Variants in ATN1 observed in about 807,000 individuals in gnomAD.
ATN1 encodes atrophin 1.
Under a neutral mutation model 85.8 loss-of-function variants are expected in ATN1, and 19 were observed. That is an observed-to-expected ratio of 0.22 (90% CI 0.15 to 0.32). The LOEUF (loss-of-function observed/expected upper bound fraction) is 0.32, where lower values mean the gene tolerates loss of function less well. Ranked by LOEUF, ATN1 falls within the 10% of genes least tolerant of loss-of-function variation. The pLI is 1.00. For synonymous variants in ATN1, 674 were observed against 657.0 expected, an observed-to-expected ratio of 1.03 and a Z score of -0.39; for missense variants, 1,453 against 1,564.5, an observed-to-expected ratio of 0.93 and a Z score of 1.20.
Position 6,937,270 on chromosome 12 carries a change from G to T in ATN1, c.2003G>T (p.Gly668Val). The change falls in exon 5 of 10, where the codon GGG (glycine) becomes GTG (valine). Residue 668 changes from glycine (G) to valine (V), a missense_variant. Around this residue, in one of 6 missense-constraint regions of ATN1, gnomAD observed 990 missense variants for 914.8 expected, o/e 1.08. Coordinates refer to ENST00000396684, the MANE Select transcript of ATN1 (RefSeq NM_001940.4). This position sits in a 1 kb window ranked among gnomAD's most constrained non-coding sequence, Gnocchi z 6.0. The part of the protein sequence containing the change: ...KPGSPPSFRT[G>V]TPPGYRGTSP... ...GGGTCGCCTCCCTCCTTCCGAACGG[G>T]GACCCCACCGGGCTATCGAGGAACC... The T allele has an allele frequency of 3.1e-6, 5 of 1,608,614 alleles. No individual in the cohort carries two copies. The highest frequency in any genetic ancestry group is 4.2e-6 in the Non-Finnish European group (5 of 1,178,378).
chr12:6,930,823 TAAA>T (rs1945452832), intron 1 of ATN1, among the ~76,000 whole-genome samples: 1 of 148,366 alleles, frequency 6.7e-6, no homozygotes, highest in African/African-American at 2.5e-5. Context: ...AATAAATAAA[TAAA>T]TAAAATAAAG....
In ATN1 at chr12:6,935,878, G is replaced by C. The variant is rs782443835; in HGVS notation, c.611G>C (p.Arg204Pro). Residue 204 changes from arginine (R) to proline (P), a missense_variant, in exon 5 of 10, where the codon CGA becomes CCA. By Grantham distance (103) the Arg-to-Pro change is moderately radical (BLOSUM62 -2). Transcript: ENST00000396684. This position sits in a 1 kb window ranked among gnomAD's most constrained non-coding sequence, Gnocchi z 5.3. ...YHAPMEPPTS[R>P]MFQAPPGAPP... ...GCTCCCATGGAGCCCCCCACATCTC[G>C]AATGTTCCAGGCTCCTCCTGGGGCC... The C allele has an allele frequency of 8.1e-6, 13 of 1,613,584 alleles. No individual in the cohort carries two copies.
In ATN1 at chr12:6,938,697, G is replaced by A. The variant is rs782715807; in HGVS notation, c.2734G>A (p.Asp912Asn). Residue 912 changes from aspartate to asparagine, a missense_variant, in exon 7 of 10, where the codon GAC becomes AAC. By Grantham distance (23) the Asp-to-Asn change is conservative. This residue lies in a region of ATN1 where 208 missense variants were observed against 263.4 expected (regional missense o/e 0.79). Transcript: ENST00000396684. ...ATTCTACGTGCCCCTGGGGGCAGTG[G>A]ACCCGGGGCTCCTGGGTTACAATGT... ...HPFYVPLGAV[D>N]PGLLGYNVPA... 5.6e-6 allele frequency: 9 copies of A among 1,613,980 alleles called. No individual in the cohort carries two copies. The highest frequency in any genetic ancestry group is 7.6e-6 in the Non-Finnish European group (9 of 1,180,040).
chr12:6,942,160 T>C lies in ATN1; in HGVS notation c.*380T>C. ...TTTGCGTAGCATCGTGTGCCACCCC[T>C]GCCCCTCCCCGATCCCTGTGTGCGC... On this transcript the variant is annotated 3_prime_UTR_variant, in exon 10 of 10. Coordinates refer to ENST00000396684, the MANE Select transcript of ATN1 (RefSeq NM_001940.4). 1 of 275,402 alleles carries C rather than the reference T, an allele frequency of 3.6e-6. No homozygotes were observed. The highest frequency in any genetic ancestry group is 6.9e-6 in the Non-Finnish European group (1 of 144,358). 17.1% of individuals were successfully genotyped at this position (275,402 alleles called of 1,614,324 possible). A position where few individuals can be genotyped will look rare whatever the true frequency, so the allele number is the denominator to read the frequency against.
rs189842564 is a variant in ATN1 at position 6,934,657 on chromosome 12, C to T, written c.279+79C>T. The T allele has an allele frequency of 1.9e-6, 2 of 1,057,780 alleles. No individual in the cohort carries two copies. The highest frequency in any genetic ancestry group is 2.9e-6 in the Non-Finnish European group (2 of 701,708). The allele number at this position is 1,057,780 out of a possible 1,614,324, so 65.5% of individuals were successfully genotyped here. On this transcript the variant is annotated intron_variant, in intron 4 of 9. Transcript: ENST00000396684. This position sits in a 1 kb window ranked among gnomAD's most constrained non-coding sequence, Gnocchi z 4.5. ...ACTTGCTTATGCTCACTATTCTTAG[C>T]TGGATCTCTCCTGGGACATAAGAGA... is the stretch of plus-strand genomic sequence containing the variant.
Position 6,941,400 on chromosome 12 carries a change from T to C in ATN1, c.3385T>C (p.Ser1129Pro). Residue 1129 changes from serine (S) to proline (P), a missense_variant, in exon 9 of 10, where the codon TCC becomes CCC. By Grantham distance (74) the Ser-to-Pro change is moderately conservative. Coordinates refer to ENST00000396684, the MANE Select transcript of ATN1 (RefSeq NM_001940.4). This position sits in a 1 kb window ranked among gnomAD's most constrained non-coding sequence, Gnocchi z 5.9. ...FAAPYRDLPA[S>P]LSAPMSAAHQ... ...TGCCCCTTACCGGGACCTGCCGGCC[T>C]CCCTTTCTGCCCCGATGTCAGCAGC... The C allele has an allele frequency of 6.2e-7, 1 of 1,603,642 alleles. No homozygotes were observed. The highest frequency in any genetic ancestry group is 8.5e-7 in the Non-Finnish European group (1 of 1,174,144).
Position 6,937,432 on chromosome 12 carries a change from G to A in ATN1, c.2165G>A (p.Ser722Asn). 2.6e-6 allele frequency: 4 copies of A among 1,547,442 alleles called. No homozygotes were observed. In the South Asian group the frequency reaches 3.6e-5, roughly 14 times the overall value. ...PAAPASGPPL[S>N]ATQIKQEPAE... ...GCCCCTGCCTCAGGGCCGCCCCTGA[G>A]CGCCACGCAGATCAAACAGGAGCCG... Residue 722 changes from serine (S) to asparagine (N), a missense_variant, in exon 5 of 10, where the codon AGC becomes AAC. Ser to Asn is a conservative substitution (Grantham distance 46). Coordinates refer to ENST00000396684, the MANE Select transcript of ATN1 (RefSeq NM_001940.4). The surrounding 1 kb of genome is among the most constrained non-coding windows in gnomAD (Gnocchi z 6.0).
rs1287821485 is a variant in ATN1 at position 6,936,768 on chromosome 12, C to CAGG, written c.1503_1504insGAG (p.Gln501_Gln502insGlu). 1 of 1,492,316 alleles carries CAGG rather than the reference C, an allele frequency of 6.7e-7. No homozygotes were observed. The highest frequency in any genetic ancestry group is 9.2e-7 in the Non-Finnish European group (1 of 1,085,144). 92.4% of individuals were successfully genotyped at this position (1,492,316 alleles called of 1,614,324 possible). ...GCAGCAGCAGCAGCAGCAGCAGCAG[C>CAGG]AGCAGCATCACGGAAACTCTGGGCC... On this transcript the variant is annotated inframe_insertion, in exon 5 of 10. Coordinates refer to ENST00000396684, the MANE Select transcript of ATN1 (RefSeq NM_001940.4).
Position 6,935,907 on chromosome 12 carries a change from C to T in ATN1, c.640C>T (p.Pro214Ser). 6.2e-7 allele frequency: 1 copy of T among 1,610,180 alleles called. No homozygotes were observed. The highest frequency in any genetic ancestry group is 8.5e-7 in the Non-Finnish European group (1 of 1,177,754). Residue 214 changes from proline to serine, a missense_variant, in exon 5 of 10, where the codon CCC becomes TCC. By Grantham distance (74) the Pro-to-Ser change is moderately conservative. Coordinates refer to ENST00000396684, the MANE Select transcript of ATN1 (RefSeq NM_001940.4). The surrounding 1 kb of genome is among the most constrained non-coding windows in gnomAD (Gnocchi z 5.3). ...RMFQAPPGAPPPHPQLYPGGT... is the reference protein window; with the variant it reads ...RMFQAPPGAPSPHPQLYPGGT... ...GTTCCAGGCTCCTCCTGGGGCCCCT[C>T]CCCCTCACCCACAGCTCTATCCTGG...
At chr12:6,925,141 T>TGTGTGTGTGTGA (rs1445451270), upstream of ATN1, among the ~76,000 whole-genome samples, 181 of 147,648 alleles carry the variant, frequency 1.2e-3, 2 homozygotes, top group African/African-American at 3.0e-3. Context: ...TGTGTGTGTG[T>TGTGTGTGTGTGA]GAGAGAGAGA....
Position 6,938,644 on chromosome 12 carries a change from T to C in ATN1, c.2681T>C (p.Val894Ala), listed in dbSNP as rs1945589608. The change falls in exon 7 of 10, where the codon GTC (valine) becomes GCC (alanine). Residue 894 changes from valine to alanine, a missense_variant. Physicochemically the swap from Val to Ala is moderately conservative, Grantham distance 64 (BLOSUM62 0). This residue lies in a region of ATN1 where 208 missense variants were observed against 263.4 expected (regional missense o/e 0.79). Coordinates refer to ENST00000396684, the MANE Select transcript of ATN1 (RefSeq NM_001940.4). Reference sequence around the variant, plus strand: ...CTCAGTGAATATGCCCGGCCTCATGTCATGTCTCCTGGCAATCGCAACCAT... The same window carrying C: ...CTCAGTGAATATGCCCGGCCTCATGCCATGTCTCCTGGCAATCGCAACCAT... ...RTLSEYARPH[V>A]MSPGNRNHPF... 2 of 1,614,132 alleles carry C rather than the reference T, an allele frequency of 1.2e-6. No individual in the cohort carries two copies. The highest frequency in any genetic ancestry group is 2.2e-5 in the South Asian group (2 of 91,090).
Position 6,938,745 on chromosome 12 carries a change from C to T in ATN1, c.2782C>T (p.Pro928Ser), listed in dbSNP as rs782509350. 4.6e-5 allele frequency: 75 copies of T among 1,614,018 alleles called. No individual in the cohort carries two copies. The South Asian group carries it at 8.0e-4, about 17-fold the overall frequency. The change falls in exon 7 of 10, where the codon CCA becomes TCA. Residue 928 changes from proline (P) to serine (S), a missense_variant. By Grantham distance (74) the Pro-to-Ser change is moderately conservative. This residue lies in a region of ATN1 where 208 missense variants were observed against 263.4 expected (regional missense o/e 0.79). Coordinates refer to ENST00000396684, the MANE Select transcript of ATN1 (RefSeq NM_001940.4). ...TGTCCCGGCCCTGTACAGCAGTGATCCAGCTGCCCGGGAGAGGGAACGGGA... is the reference window on the plus strand; with the variant it reads ...TGTCCCGGCCCTGTACAGCAGTGATTCAGCTGCCCGGGAGAGGGAACGGGA... Reference protein sequence around the residue: ...YNVPALYSSDPAAREREREAR... With the variant: ...YNVPALYSSDSAAREREREAR...
At position 6,934,267 on chromosome 12, in the gene ATN1, C is replaced by T. The variant is rs782234212; in HGVS notation, c.119C>T (p.Thr40Met). 28 of 1,576,888 alleles carry T rather than the reference C, an allele frequency of 1.8e-5. No homozygotes were observed. The highest frequency in any genetic ancestry group is 3.5e-5 in the South Asian group (3 of 85,356). ...RGRASPGGVS[T>M]SSSDGKAEKS... ...CGGGCCTCCCCTGGAGGGGTCAGCACGTCCAGCAGTGATGGCAAAGCTGAG... is the reference window on the plus strand; with the variant it reads ...CGGGCCTCCCCTGGAGGGGTCAGCATGTCCAGCAGTGATGGCAAAGCTGAG... Residue 40 changes from threonine (T) to methionine (M), a missense_variant, in exon 3 of 10, where the codon ACG becomes ATG. Coordinates refer to ENST00000396684, the MANE Select transcript of ATN1 (RefSeq NM_001940.4). This position sits in a 1 kb window ranked among gnomAD's most constrained non-coding sequence, Gnocchi z 4.5.
rs908487515 is a variant in ATN1 at position 6,938,086 on chromosome 12, G to T, written c.2517+19G>T. 3 of 1,532,666 alleles carry T rather than the reference G, an allele frequency of 2.0e-6. No homozygotes were observed. The African/African-American group carries it at 4.2e-5, about 21-fold the overall frequency. 94.9% of individuals were successfully genotyped at this position (1,532,666 alleles called of 1,614,324 possible). ...CAGCGTGGTGAGTGCGTCACTGCCT[G>T]CGCCACCGCCTTCTTTCCCTCTTTC... On this transcript the variant is annotated intron_variant, in intron 6 of 9. Coordinates refer to ENST00000396684, the MANE Select transcript of ATN1 (RefSeq NM_001940.4).
chr12:6,926,099 G>A (rs11608535), upstream of ATN1, among the ~76,000 whole-genome samples: 36,489 of 152,126 alleles, frequency 0.24, 5,387 homozygotes, highest in Non-Finnish European at 0.34. Flanking sequence ...CTTCACGGCC[G>A]GGAGCAGACT....
intron 1 of ATN1, among the ~76,000 whole-genome samples, chr12:6,928,756 C>T (rs2138200675): frequency 6.6e-6 from 1 of 152,270 alleles, no homozygotes; most frequent in South Asian, 2.1e-4. Context: ...AGTGGGGTTC[C>T]GGGCGAAGGC....
Position 6,937,221 on chromosome 12 carries a change from G to T in ATN1, c.1954G>T (p.Ala652Ser). 6.2e-7 allele frequency: 1 copy of T among 1,611,642 alleles called. No homozygotes were observed. The change falls in exon 5 of 10, where the codon GCC (alanine) becomes TCC (serine). Residue 652 changes from alanine (A) to serine (S), a missense_variant. Ala to Ser is a moderately conservative substitution (Grantham distance 99, BLOSUM62 1). Around this residue, in one of 6 missense-constraint regions of ATN1, gnomAD observed 990 missense variants for 914.8 expected, o/e 1.08. Coordinates refer to ENST00000396684, the MANE Select transcript of ATN1 (RefSeq NM_001940.4). The surrounding 1 kb of genome is among the most constrained non-coding windows in gnomAD (Gnocchi z 6.0). ...RAPSPGAYKT[A>S]TPPGYKPGSP... Reference sequence around the variant, plus strand: ...CCCGTCCCCGGGGGCCTACAAGACAGCCACCCCACCCGGATACAAACCCGG... The same window carrying T: ...CCCGTCCCCGGGGGCCTACAAGACATCCACCCCACCCGGATACAAACCCGG...
rs201165264 is a variant in ATN1 at position 6,936,091 on chromosome 12, C to T, written c.824C>T (p.Pro275Leu). 709 of 1,527,700 alleles carry T rather than the reference C, an allele frequency of 4.6e-4. 2 individuals are homozygous for T. Among genetic ancestry groups the T allele is most frequent in the South Asian group, 1.4e-3 (107 of 76,868 alleles). The allele number at this position is 1,527,700 out of a possible 1,614,324, so 94.6% of individuals were successfully genotyped here. Residue 275 changes from proline (P) to leucine (L), a missense_variant, in exon 5 of 10, where the codon CCG (proline) becomes CTG (leucine). Coordinates refer to ENST00000396684, the MANE Select transcript of ATN1 (RefSeq NM_001940.4). Reference protein sequence around the residue: ...SGASGAPPTKPPTTPVGGGNL... With the variant: ...SGASGAPPTKLPTTPVGGGNL... ...GCTAGTGGTGCTCCCCCAACAAAGC[C>T]GCCTACCACTCCAGTGGGTGGTGGG...
upstream of ATN1, among the ~76,000 whole-genome samples, chr12:6,924,863 C>G (rs1261093736): frequency 6.6e-6 from 1 of 152,270 alleles, no homozygotes; most frequent in East Asian, 1.9e-4. Flanking sequence ...CAGGACTATC[C>G]TAGTTTGAGC....
Sources: gnomAD v4.1 joint callset for allele counts (sites outside exome capture counted in the v4.1 genomes callset) on GRCh38, gnomAD v4.1.1 for gene constraint, gnomAD v4.1.1 regional missense constraint, Gnocchi (gnomAD v3.1) non-coding constraint, MANE v1.5 for transcripts, NCBI Gene and HGNC (gene_info 2026-07-23, HGNC 2026-07-21) for gene names.